RNF41: variants seen among roughly 807,000 people sequenced by gnomAD.
The protein encoded by RNF41 is ring finger protein 41.
Under a neutral mutation model 33.0 loss-of-function variants are expected in RNF41, and 4 were observed. The ratio of observed to expected loss-of-function variants is 0.12; its 90% CI spans 0.06 to 0.28. RNF41 has a LOEUF of 0.28. RNF41 is among the 10% of genes least tolerant of loss of function. RNF41 has a pLI of 1.00. For missense variants in RNF41, 228 were observed against 432.6 expected, an observed-to-expected ratio of 0.53 and a Z score of 4.19; for synonymous variants, 164 against 153.2, an observed-to-expected ratio of 1.07 and a Z score of -0.52.
chr12:56,207,846 G>T (rs1868302948), intron 5 of RNF41, 97 bp from the exon 6 acceptor site: 3 of 973,066 alleles, frequency 3.1e-6, no homozygotes, highest in East Asian at 4.8e-5. Flanking sequence ...GAGATCTGAA[G>T]AACAACCAGT....
At position 56,207,702 on chromosome 12, in the gene RNF41, A is replaced by G. The variant is rs1215017435; in HGVS notation, c.546T>C (p.Ser182=). The change falls in exon 6 of 7, where the codon AGT becomes AGC. Residue 182 remains serine (S), a synonymous_variant. Coordinates refer to ENST00000345093, the MANE Select transcript of RNF41 (RefSeq NM_005785.4). ...CCAGGTTCTGAAGGTTGGGGTTGAC[A>G]CTGCGGATTGCACGCATGTATGCCT... The part of the protein sequence containing the change: ...LLKAYMRAIR[S]VNPNLQNLEE... 11 of 1,614,208 alleles carry G rather than the reference A, an allele frequency of 6.8e-6. No homozygotes were observed. The highest frequency in any genetic ancestry group is 7.6e-6 in the Non-Finnish European group (9 of 1,180,022).
intron 4 of RNF41, among the ~76,000 whole-genome samples, chr12:56,209,457 A>ATT (rs60545688): frequency 1.8e-4 from 23 of 124,688 alleles, no homozygotes; most frequent in African/African-American, 4.2e-4. Flanking sequence ...CACTTGGCTA[A>ATT]TTTTTTTTTT....
At chr12:56,217,937 C>T (rs1031940502) in intron 1 of RNF41, among the ~76,000 whole-genome samples, 1 of 151,802 alleles carries the variant, frequency 6.6e-6, no homozygotes, top group Non-Finnish European at 1.5e-5. Context: ...TTAATGTTTC[C>T]AAAGTGCTTT....
chr12:56,210,254 A>G (rs1485294592), intron 4 of RNF41, 43 bp downstream of exon 4: 1 of 1,593,562 alleles, frequency 6.3e-7, no homozygotes. Context: ...GGCATAAATG[A>G]GATGGCCCTT....
chr12:56,220,295 A>G (rs1345441374), intron 1 of RNF41, among the ~76,000 whole-genome samples: 1 of 150,676 alleles, frequency 6.6e-6, no homozygotes, highest in African/African-American at 2.4e-5. Flanking sequence ...GCTCACTGCA[A>G]CCTCTGCCTC....
chr12:56,206,418 A>G lies in RNF41; in HGVS notation c.*29T>C, dbSNP rs1868264993. 2 of 1,562,264 alleles carry G rather than the reference A, an allele frequency of 1.3e-6. No individual in the cohort carries two copies. The highest frequency in any genetic ancestry group is 1.7e-6 in the Non-Finnish European group (2 of 1,147,002). On this transcript the variant is annotated 3_prime_UTR_variant, in exon 7 of 7. Transcript: ENST00000345093. This position sits in a 1 kb window ranked among gnomAD's most constrained non-coding sequence, Gnocchi z 5.7. ...GGAGTGATGGGATTTTCTGATTTCC[A>G]TCTCTTCCTGATAGCCAGTCGAGTT...
chr12:56,206,632 G>C lies in RNF41; in HGVS notation c.769C>G (p.Gln257Glu), dbSNP rs538534791. The stretch of plus-strand genomic sequence containing the variant: ...CTAGTCTCTAGTGTGGCCAGACCCT[G>C]GGGCCAGCTACGCTCGTGGGCATTT... ...IENAHERSWP[Q>E]GLATLETRQM... The change falls in exon 7 of 7, where the codon CAG becomes GAG. Residue 257 changes from glutamine (Q) to glutamate (E), a missense_variant. Gln to Glu is a conservative substitution (Grantham distance 29). Transcript: ENST00000345093. The surrounding 1 kb of genome is among the most constrained non-coding windows in gnomAD (Gnocchi z 5.7). The C allele has an allele frequency of 6.2e-7, 1 of 1,614,126 alleles. No homozygotes were observed. The highest frequency in any genetic ancestry group is 2.2e-5 in the East Asian group (1 of 44,886).
chr12:56,208,456 T>G, intron 4 of RNF41, 158 bp from the exon 5 acceptor site: 2 of 670,344 alleles, frequency 3.0e-6, no homozygotes, highest in South Asian at 4.7e-5. Flanking sequence ...CCCTTCACTT[T>G]CTTCGTCCAA....
chr12:56,214,210 G>A (rs567398919), intron 2 of RNF41, 140 bp from the exon 3 acceptor site: 7 of 614,010 alleles, frequency 1.1e-5, no homozygotes, highest in Non-Finnish European at 2.0e-5. Context: ...ATTTGGCTCG[G>A]TGGAAGCTGA....
chr12:56,221,584 T>A (rs1350194063), intron 1 of RNF41, 176 bp downstream of exon 1: 1 of 152,414 alleles, frequency 6.6e-6, no homozygotes, highest in East Asian at 1.9e-4. Context: ...CAGAGCCCCC[T>A]TCTCACCTCC....
chr12:56,220,017 A>AT (rs1869231109), intron 1 of RNF41, among the ~76,000 whole-genome samples: 2 of 110,486 alleles, frequency 1.8e-5, no homozygotes, highest in Non-Finnish European at 3.7e-5. Flanking sequence ...ACCCTGTCTC[A>AT]AAAATAAATA....
intron 6 of RNF41, chr12:56,207,206 A>G: frequency 7.5e-7 from 1 of 1,328,342 alleles, no homozygotes; most frequent in Non-Finnish European, 9.8e-7. Flanking sequence ...CAGAACTGAA[A>G]GAGATCTTAG....
intron 6 of RNF41, 127 bp downstream of exon 6, chr12:56,207,519 A>G: frequency 9.8e-6 from 8 of 813,354 alleles, no homozygotes; most frequent in Admixed American, 1.8e-5. Context: ...CTTAATGCCA[A>G]TATCTGAGAA....
At position 56,217,155 on chromosome 12, in the gene RNF41, A is replaced by AAC. The variant is rs534281027; in HGVS notation, c.-208-543_-208-542insGT. Among the ~76,000 whole-genome samples the AAC allele has an allele frequency of 1.5e-4, 23 of 151,194 alleles. No individual in the cohort carries two copies. In the South Asian group the frequency reaches 4.6e-3, roughly 30 times the overall value. ...ACTCCGTCTTAAAAAAAAAAAAAAA[A>AAC]AAGACAAGAGGAAAAGTAGAGGAGT... On this transcript the variant is annotated intron_variant, in intron 1 of 6. Coordinates refer to ENST00000345093, the MANE Select transcript of RNF41 (RefSeq NM_005785.4).
chr12:56,206,584 C>G lies in RNF41; in HGVS notation c.817G>C (p.Glu273Gln). The G allele has an allele frequency of 1.2e-6, 2 of 1,614,202 alleles. No homozygotes were observed. Among genetic ancestry groups the G allele is most frequent in the African/African-American group, 1.3e-5 (1 of 75,038 alleles). Residue 273 changes from glutamate (E) to glutamine (Q), a missense_variant, in exon 7 of 7, where the codon GAG becomes CAG. By Grantham distance (29) the Glu-to-Gln change is conservative. Around this residue, in one of 2 missense-constraint regions of RNF41, gnomAD observed 199 missense variants for 334.6 expected, o/e 0.59. Transcript: ENST00000345093. The surrounding 1 kb of genome is among the most constrained non-coding windows in gnomAD (Gnocchi z 5.7). ...ETRQMNRRYY[E>Q]NYVAKRIPGK... Reference sequence around the variant, plus strand: ...GGGATGCGCTTGGCCACGTAGTTCTCATAGTAGCGTCGGTTCATCTGTCTA... The same window carrying G: ...GGGATGCGCTTGGCCACGTAGTTCTGATAGTAGCGTCGGTTCATCTGTCTA...
chr12:56,206,863 GC>G lies in RNF41; in HGVS notation c.603-66del. 8.0e-7 allele frequency: 1 copy of G among 1,243,112 alleles called. No individual in the cohort carries two copies. The highest frequency in any genetic ancestry group is 2.5e-5 in the Admixed American group (1 of 40,384). The allele number at this position is 1,243,112 out of a possible 1,614,324, so 77.0% of individuals were successfully genotyped here. On this transcript the variant is annotated intron_variant, in intron 6 of 6. Transcript: ENST00000345093. This position sits in a 1 kb window ranked among gnomAD's most constrained non-coding sequence, Gnocchi z 5.7. ...TCCTTTCTCTGTATTGGCTTTTTCTGCTAATAGAAATAACTACCCACTCTGC... is the reference window on the plus strand; with the variant it reads ...TCCTTTCTCTGTATTGGCTTTTTCTGTAATAGAAATAACTACCCACTCTGC...
chr12:56,216,290 A>G (rs1296268510), intron 2 of RNF41, 139 bp downstream of exon 2: 1 of 152,230 alleles, frequency 6.6e-6, no homozygotes, highest in African/African-American at 2.4e-5. Flanking sequence ...ACAAAAAAGA[A>G]CAAATGGTAC....
intron 6 of RNF41, chr12:56,207,160 A>G (rs1030550776): frequency 2.3e-6 from 3 of 1,317,822 alleles, no homozygotes; most frequent in Admixed American, 2.4e-5. Context: ...ATATTGATTC[A>G]CACTTACAGT....
chr12:56,218,350 C>T (rs750140810), intron 1 of RNF41, among the ~76,000 whole-genome samples: 87 of 151,916 alleles, frequency 5.7e-4, no homozygotes, highest in Admixed American at 1.4e-3. Flanking sequence ...GCCTCGCCTT[C>T]CCAGCAGGCT....
Sources: allele counts gnomAD v4.1 joint callset (sites outside exome capture counted in the v4.1 genomes callset), GRCh38; gene constraint gnomAD v4.1.1; regional missense constraint gnomAD v4.1.1; non-coding constraint Gnocchi (gnomAD v3.1); transcripts MANE v1.5; gene names NCBI Gene and HGNC (gene_info 2026-07-23, HGNC 2026-07-21).